UGT1A4: variants seen among roughly 807,000 people sequenced by gnomAD.
UGT1A4 encodes UDP glucuronosyltransferase family 1 member A4, also known as UDP-glucuronosyltransferase 1A4.
A neutral mutation model predicts 41.1 loss-of-function variants in UGT1A4; 32 were observed. The observed-to-expected ratio is 0.78, with a 90% CI of 0.59 to 1.05. UGT1A4 has a LOEUF of 1.05. UGT1A4 is among the 50% of genes least tolerant of loss of function. The pLI is 0.00. For missense variants in UGT1A4, 748 were observed against 677.4 expected (o/e 1.10, Z -1.16); for synonymous variants, 283 against 265.1 (o/e 1.07, Z -0.66).
At chr2:233,727,474 C>A (rs2077619427) in intron 1 of UGT1A4, among the ~76,000 whole-genome samples, 1 of 152,182 alleles carries the variant, frequency 6.6e-6, no homozygotes, top group Non-Finnish European at 1.5e-5. Context: ...AAATAAAACA[C>A]TACTACTTGG....
Position 233,769,784 on chromosome 2 carries a change from G to A in UGT1A4, c.1307+1345G>A. 3 of 1,312,290 alleles carry A rather than the reference G, an allele frequency of 2.3e-6. No individual in the cohort carries two copies. The highest frequency in any genetic ancestry group is 3.0e-6 in the Non-Finnish European group (3 of 1,000,230). 81.3% of individuals were successfully genotyped at this position (1,312,290 alleles called of 1,614,324 possible). The stretch of plus-strand genomic sequence containing the variant: ...GCGGGAGGATTGCTTGAGCCCAGAA[G>A]TTGGAGGCTGCTATGAGCCGTGATC... On this transcript the variant is annotated intron_variant, in intron 4 of 4. Coordinates refer to ENST00000373409, the MANE Select transcript of UGT1A4 (RefSeq NM_007120.3). This position sits in a 1 kb window ranked among gnomAD's most constrained non-coding sequence, Gnocchi z 4.4.
In UGT1A4 at chr2:233,768,243, A is replaced by G. The variant is rs748989741; in HGVS notation, c.1111A>G (p.Ile371Val). 8 of 1,614,146 alleles carry G rather than the reference A, an allele frequency of 5.0e-6. No individual in the cohort carries two copies. In the South Asian group the frequency reaches 7.7e-5, roughly 16 times the overall value. Residue 371 changes from isoleucine (I) to valine (V), a missense_variant, in exon 4 of 5, where the codon ATC (isoleucine) becomes GTC (valine). Ile to Val is a conservative substitution (Grantham distance 29). Transcript: ENST00000373409. ...LLGHPMTRAF[I>V]THAGSHGVYE... is the part of the protein sequence containing the mutation. ...AGGTCACCCGATGACCCGTGCCTTT[A>G]TCACCCATGCTGGTTCCCATGGTGT...
At chr2:233,724,183 G>C (rs1455555189) in intron 1 of UGT1A4, among the ~76,000 whole-genome samples, 1 of 117,596 alleles carries the variant, frequency 8.5e-6, no homozygotes, top group Non-Finnish European at 1.8e-5. Context: ...TCTCCCTCCC[G>C]GACGGGGTGG....
intron 1 of UGT1A4, among the ~76,000 whole-genome samples, chr2:233,728,112 T>C (rs892506440): frequency 1.3e-5 from 2 of 152,198 alleles, no homozygotes; most frequent in African/African-American, 2.4e-5. Flanking sequence ...TAATTCTCCA[T>C]CTTGAAATTT....
chr2:233,749,365 C>A (rs540660100), intron 1 of UGT1A4, among the ~76,000 whole-genome samples: 4 of 151,824 alleles, frequency 2.6e-5, no homozygotes, highest in Admixed American at 1.3e-4. Context: ...GTGACTCTTG[C>A]CCTTTTCTTC....
At chr2:233,742,842 A>G (rs1167043204) in intron 1 of UGT1A4, 1 of 158,994 alleles carries the variant, frequency 6.3e-6, no homozygotes, top group Non-Finnish European at 1.4e-5. Flanking sequence ...TACACACTAA[A>G]CAATAAAGTC....
intron 1 of UGT1A4, chr2:233,740,801 T>C (rs1183144283): frequency 3.3e-5 from 5 of 152,052 alleles, no homozygotes; most frequent in African/African-American, 1.2e-4. Context: ...TAACAGGCTC[T>C]AGCACTGTTC....
At chr2:233,759,599 A>ACCCCCCCCCCCCCC (rs1553620419) in intron 1 of UGT1A4, among the ~76,000 whole-genome samples, 9 of 108,650 alleles carry the variant, frequency 8.3e-5, no homozygotes, top group African/African-American at 2.6e-4. Flanking sequence ...CCCACCCCCG[A>ACCCCCCCCCCCCCC]CCCGCCCCAC....
At chr2:233,758,820 C>A (rs1028156613) in intron 1 of UGT1A4, among the ~76,000 whole-genome samples, 1 of 152,084 alleles carries the variant, frequency 6.6e-6, no homozygotes, top group African/African-American at 2.4e-5. Flanking sequence ...GCAGTATATC[C>A]CCCCCAAAAA....
chr2:233,747,798 A>T (rs1693779334), intron 1 of UGT1A4: 1 of 1,613,348 alleles, frequency 6.2e-7, no homozygotes, highest in Non-Finnish European at 8.5e-7. Context: ...CTATATTCCT[A>T]AGTTACTAAC....
Position 233,772,634 on chromosome 2 carries a change from T to C in UGT1A4, c.*75T>C. On this transcript the variant is annotated 3_prime_UTR_variant, in exon 5 of 5. Transcript: ENST00000373409. ...CCAAACTTGAAAACAGAATCAGTGT[T>C]AAATTCATTTTATTCTTATTAAGGA... The C allele has an allele frequency of 6.4e-7, 1 of 1,555,940 alleles. No individual in the cohort carries two copies. The highest frequency in any genetic ancestry group is 2.4e-5 in the East Asian group (1 of 41,342).
At chr2:233,730,052 G>T in intron 1 of UGT1A4, 3 of 1,612,052 alleles carry the variant, frequency 1.9e-6, no homozygotes, top group Non-Finnish European at 2.5e-6. Flanking sequence ...TTAAAAAAAT[G>T]TATTTATTTA....
intron 1 of UGT1A4, among the ~76,000 whole-genome samples, chr2:233,725,586 A>T (rs1194596370): frequency 6.6e-6 from 1 of 152,166 alleles, no homozygotes; most frequent in Non-Finnish European, 1.5e-5. Flanking sequence ...TTATGACTTA[A>T]CTATTTGACA....
At chr2:233,760,261 C>T (rs2125981397) in intron 1 of UGT1A4, 4 of 1,611,118 alleles carry the variant, frequency 2.5e-6, no homozygotes, top group South Asian at 1.1e-5. Flanking sequence ...TAGGAGAGGG[C>T]GAACCTCTGG....
intron 4 of UGT1A4, chr2:233,770,675 A>T (rs1188149827): frequency 6.6e-6 from 1 of 151,870 alleles, no homozygotes; most frequent in African/African-American, 2.4e-5. Flanking sequence ...AAAAAAAAAA[A>T]GAAGGTTCCA....
At chr2:233,755,468 T>G (rs1434722423) in intron 1 of UGT1A4, 4 of 241,190 alleles carry the variant, frequency 1.7e-5, no homozygotes, top group Non-Finnish European at 3.3e-5. Context: ...CTGCTCTCTG[T>G]GAGGCTCTGT....
In UGT1A4 at chr2:233,769,538, C is replaced by A; in HGVS notation, c.1307+1099C>A. 6.2e-7 allele frequency: 1 copy of A among 1,612,838 alleles called. No homozygotes were observed. Among genetic ancestry groups the A allele is most frequent in the Non-Finnish European group, 8.5e-7 (1 of 1,179,878 alleles). ...CATGGTTACCTCCTTTAGAAAGAAGCAGCAGTCAGGAAGACAGATGTGAAG... is the reference window on the plus strand; with the variant it reads ...CATGGTTACCTCCTTTAGAAAGAAGAAGCAGTCAGGAAGACAGATGTGAAG... On this transcript the variant is annotated intron_variant, in intron 4 of 4. Coordinates refer to ENST00000373409, the MANE Select transcript of UGT1A4 (RefSeq NM_007120.3). The surrounding 1 kb of genome is among the most constrained non-coding windows in gnomAD (Gnocchi z 4.4).
At chr2:233,729,533 C>T (rs746765589) in intron 1 of UGT1A4, 8 of 1,614,138 alleles carry the variant, frequency 5.0e-6, no homozygotes, top group South Asian at 3.3e-5. Context: ...CATAATGAGG[C>T]CCTGATCAGG....
intron 1 of UGT1A4, chr2:233,721,922 G>A: frequency 2.5e-6 from 1 of 400,722 alleles, no homozygotes; most frequent in Non-Finnish European, 5.0e-6. Flanking sequence ...CTTCCATAAA[G>A]TGACATCCTT....
Sources: allele counts gnomAD v4.1 joint callset (sites outside exome capture counted in the v4.1 genomes callset), GRCh38; gene constraint gnomAD v4.1.1; non-coding constraint Gnocchi (gnomAD v3.1); transcripts MANE v1.5; gene names NCBI Gene and HGNC (gene_info 2026-07-23, HGNC 2026-07-21).